The following CSTPP1 variants were observed in gnomAD, a reference collection of about 807,000 sequenced individuals.
The protein encoded by CSTPP1 is centriolar satellite-associated tubulin polyglutamylase complex regulator 1, also known as UPF0705 protein C11orf49.
chr11:47,028,025 G>A, the CSTPP1 span, among the ~76,000 whole-genome samples: 5 of 149,404 alleles, frequency 3.3e-5, no homozygotes, highest in African/African-American at 4.9e-5. Flanking sequence ...CTGGGTTCAC[G>A]CCATTCTCCT....
At chr11:47,001,239 C>T in the CSTPP1 span, among the ~76,000 whole-genome samples, 1 of 152,220 alleles carries the variant, frequency 6.6e-6, no homozygotes, top group African/African-American at 2.4e-5. Context: ...AGGACCCCCT[C>T]ATGGGTAACT....
the CSTPP1 span, among the ~76,000 whole-genome samples, chr11:46,974,222 A>T: frequency 6.6e-6 from 1 of 152,152 alleles, no homozygotes; most frequent in Non-Finnish European, 1.5e-5. Context: ...CAACAGAGCA[A>T]GACCTTGTCT....
At chr11:46,993,363 C>CT in the CSTPP1 span, among the ~76,000 whole-genome samples, 1,256 of 140,694 alleles carry the variant, frequency 8.9e-3, 9 homozygotes, top group South Asian at 0.047. Context: ...CTTTTCTTTT[C>CT]TTTTTTTTTT....
chr11:47,023,312 A>G, the CSTPP1 span: 3 of 153,894 alleles, frequency 1.9e-5, no homozygotes, highest in Non-Finnish European at 4.4e-5. Flanking sequence ...AATATTTAAG[A>G]TATTTTGCCT....
chr11:47,013,070 T>G, the CSTPP1 span, among the ~76,000 whole-genome samples: 1 of 145,684 alleles, frequency 6.9e-6, no homozygotes, highest in Non-Finnish European at 1.5e-5. Flanking sequence ...ACATATATAT[T>G]TTATTATATA....
the CSTPP1 span, among the ~76,000 whole-genome samples, chr11:47,151,152 G>A: frequency 1.3e-5 from 2 of 152,136 alleles, 1 homozygote; most frequent in Non-Finnish European, 2.9e-5. Flanking sequence ...GAAGGCTCAC[G>A]CCTGTAATCC....
the CSTPP1 span, among the ~76,000 whole-genome samples, chr11:47,089,629 A>T: frequency 6.6e-6 from 1 of 152,220 alleles, no homozygotes; most frequent in African/African-American, 2.4e-5. Context: ...CATAGTTACT[A>T]ATTTGAAAGT....
the CSTPP1 span, among the ~76,000 whole-genome samples, chr11:46,996,465 G>A: frequency 7.2e-5 from 11 of 151,758 alleles, no homozygotes; most frequent in African/African-American, 1.5e-4. Context: ...CACCATGCCC[G>A]GCTAATTTTT....
chr11:47,161,917 G>A, the CSTPP1 span: 1 of 1,213,258 alleles, frequency 8.2e-7, no homozygotes, highest in Non-Finnish European at 1.0e-6. Context: ...GCCGTAGCCT[G>A]TTAGTCCTCC....
the CSTPP1 span, among the ~76,000 whole-genome samples, chr11:46,964,149 C>T: frequency 6.6e-6 from 1 of 152,134 alleles, no homozygotes; most frequent in Non-Finnish European, 1.5e-5. Flanking sequence ...ACTAACTCCC[C>T]ATGTTAGCAT....
At chr11:47,047,508 G>A in the CSTPP1 span, among the ~76,000 whole-genome samples, 243 of 152,290 alleles carry the variant, frequency 1.6e-3, no homozygotes, top group African/African-American at 5.5e-3. Context: ...TCAACCAATG[G>A]TGCTGGGAAA....
At chr11:47,036,803 G>A in the CSTPP1 span, among the ~76,000 whole-genome samples, 2 of 127,158 alleles carry the variant, frequency 1.6e-5, 1 homozygote, top group Non-Finnish European at 3.7e-5. Context: ...TCAGCCTCCC[G>A]AGTAGCTGGG....
the CSTPP1 span, among the ~76,000 whole-genome samples, chr11:46,959,865 ATTTT>A: frequency 1.5e-5 from 2 of 134,044 alleles, no homozygotes; most frequent in Admixed American, 7.5e-5. Context: ...GGTTTAAATA[ATTTT>A]TTTTTTTTTT....
At chr11:47,006,318 T>A in the CSTPP1 span, among the ~76,000 whole-genome samples, 3 of 152,200 alleles carry the variant, frequency 2.0e-5, no homozygotes, top group Admixed American at 2.0e-4. Context: ...TCTACTGACT[T>A]TGTTGAGAAG....
At chr11:47,138,365 G>A in the CSTPP1 span, among the ~76,000 whole-genome samples, 2 of 152,080 alleles carry the variant, frequency 1.3e-5, no homozygotes, top group African/African-American at 2.4e-5. Context: ...CAACACCTGG[G>A]GATTACAATT....
chr11:47,034,504 C>CTT, the CSTPP1 span, among the ~76,000 whole-genome samples: 1 of 144,330 alleles, frequency 6.9e-6, no homozygotes, highest in Non-Finnish European at 1.5e-5. Flanking sequence ...TTAAAAGCTT[C>CTT]TTTTTTTTTT....
At chr11:46,979,586 A>T in the CSTPP1 span, among the ~76,000 whole-genome samples, 1 of 152,086 alleles carries the variant, frequency 6.6e-6, no homozygotes, top group Non-Finnish European at 1.5e-5. Flanking sequence ...ATGGTCAGCT[A>T]GCTGAGTGCT....
the CSTPP1 span, among the ~76,000 whole-genome samples, chr11:47,015,292 C>T: frequency 6.6e-6 from 1 of 151,546 alleles, no homozygotes; most frequent in Non-Finnish European, 1.5e-5. Flanking sequence ...CATGGTGAAA[C>T]CCCGTCTCTA....
At chr11:46,955,792 G>T in the CSTPP1 span, among the ~76,000 whole-genome samples, 3 of 146,418 alleles carry the variant, frequency 2.0e-5, no homozygotes, top group Admixed American at 6.8e-5. Context: ...AGGAGTTCCA[G>T]ACCAGCCTGG....
Sources: allele counts gnomAD v4.1 joint callset (sites outside exome capture counted in the v4.1 genomes callset), GRCh38; gene constraint gnomAD v4.1.1; transcripts MANE v1.5; gene names NCBI Gene and HGNC (gene_info 2026-07-23, HGNC 2026-07-21).